Variants in RNF130 observed in about 807,000 individuals in gnomAD.
RNF130 encodes E3 ubiquitin-protein ligase RNF130.
A neutral mutation model predicts 44.6 loss-of-function variants in RNF130; 21 were observed. The ratio of observed to expected loss-of-function variants is 0.47; its 90% confidence interval spans 0.33 to 0.68. The LOEUF is 0.68. Among genes scored for constraint, RNF130 ranks in the 30% least tolerant of loss-of-function variants. The probability of loss-of-function intolerance (pLI) is 0.02; values close to 1 mark genes in which losing one functional copy is unlikely to be tolerated. For missense variants in RNF130, 479 were observed against 560.6 expected, an observed-to-expected ratio of 0.85 and a Z score of 1.47; for synonymous variants, 214 against 210.4, an observed-to-expected ratio of 1.02 and a Z score of -0.15.
chr5:179,980,989 G>A (rs1561679315), intron 3 of RNF130, among the ~76,000 whole-genome samples: 1 of 152,158 alleles, frequency 6.6e-6, no homozygotes, highest in Non-Finnish European at 1.5e-5. Context: ...GAGGCGACTA[G>A]GAGGGGTGGG....
chr5:179,972,824 T>C (rs988942934), intron 5 of RNF130, among the ~76,000 whole-genome samples: 19 of 152,210 alleles, frequency 1.2e-4, no homozygotes, highest in Non-Finnish European at 1.5e-5. Context: ...TCTCTGCCTG[T>C]TTCTTTAACC....
intron 3 of RNF130, among the ~76,000 whole-genome samples, chr5:179,986,616 TATTAC>T (rs759121328): frequency 1.7e-4 from 26 of 152,350 alleles, no homozygotes; most frequent in Non-Finnish European, 3.1e-4. Context: ...GCTATGAAAT[TATTAC>T]ATTAATACAG....
chr5:180,023,533 C>T (rs1404392623), intron 2 of RNF130, among the ~76,000 whole-genome samples: 1 of 152,124 alleles, frequency 6.6e-6, no homozygotes, highest in Admixed American at 6.5e-5. Flanking sequence ...AAAAACTAAA[C>T]TAAACCAAAA....
Position 179,977,265 on chromosome 5 carries a change from A to G in RNF130, c.848+938T>C, listed in dbSNP as rs1300672958. On this transcript the variant is annotated intron_variant, in intron 5 of 8. Coordinates refer to ENST00000521389, the MANE Select transcript of RNF130 (RefSeq NM_018434.6). The surrounding 1 kb of genome is among the most constrained non-coding windows in gnomAD (Gnocchi z 4.1). ...CCACAGCAGGCACAAAGCAGGTATC[A>G]GTTCTTTCCATTTTGCATAATCCAG... 1 of 152,304 alleles carries G rather than the reference A, an allele frequency of 6.6e-6. No homozygotes were observed. The highest frequency in any genetic ancestry group is 2.4e-5 in the African/African-American group (1 of 41,464). 9.4% of individuals were successfully genotyped at this position (152,304 alleles called of 1,614,324 possible).
downstream of RNF130, among the ~76,000 whole-genome samples, chr5:179,953,050 A>G (rs996550328): frequency 2.6e-5 from 4 of 152,242 alleles, no homozygotes; most frequent in African/African-American, 9.6e-5. Context: ...AGGAAGAAGA[A>G]AAATGATCTC....
intron 1 of RNF130, among the ~76,000 whole-genome samples, chr5:180,068,142 C>T (rs1455693334): frequency 6.6e-6 from 1 of 152,214 alleles, no homozygotes; most frequent in East Asian, 1.9e-4. Context: ...ATAATCACAT[C>T]ATCAACACAG....
chr5:179,985,961 T>A (rs540520937), intron 3 of RNF130, among the ~76,000 whole-genome samples: 3 of 152,252 alleles, frequency 2.0e-5, no homozygotes, highest in Non-Finnish European at 2.9e-5. Flanking sequence ...CAAAAGCTAC[T>A]TCTCCTGTTA....
At chr5:180,065,753 C>CT (rs1765090944) in intron 1 of RNF130, among the ~76,000 whole-genome samples, 1 of 145,552 alleles carries the variant, frequency 6.9e-6, no homozygotes, top group African/African-American at 2.5e-5. Context: ...GAGTGAGACT[C>CT]TGTCTCAAAA....
At chr5:179,953,869 G>A (rs1762163125), downstream of RNF130, among the ~76,000 whole-genome samples, 2 of 152,116 alleles carry the variant, frequency 1.3e-5, no homozygotes, top group Admixed American at 6.5e-5. Flanking sequence ...ATCTGATAAA[G>A]GCCTAGTATC....
chr5:179,981,028 G>T (rs981011097), intron 3 of RNF130, among the ~76,000 whole-genome samples: 6 of 152,142 alleles, frequency 3.9e-5, no homozygotes, highest in Non-Finnish European at 7.4e-5. Context: ...GTCAGGGAAG[G>T]TCTTGAGGAG....
At chr5:179,991,960 C>T (rs957066136) in intron 3 of RNF130, among the ~76,000 whole-genome samples, 11 of 152,010 alleles carry the variant, frequency 7.2e-5, no homozygotes, top group Admixed American at 1.3e-4. Flanking sequence ...CTTCACACTC[C>T]TATGAGAACC....
intron 3 of RNF130, among the ~76,000 whole-genome samples, chr5:179,998,859 T>TATATATATATATAGA: frequency 1.1e-5 from 1 of 88,732 alleles, no homozygotes; most frequent in East Asian, 3.2e-4. Context: ...CTAGTATTTT[T>TATATATATATATAGA]TATATATATA....
At chr5:180,039,515 TA>T (rs1002610060) in intron 2 of RNF130, among the ~76,000 whole-genome samples, 7 of 152,138 alleles carry the variant, frequency 4.6e-5, no homozygotes, top group Admixed American at 4.6e-4. Flanking sequence ...ATCTTACTTC[TA>T]AAAGGCTTAG....
intron 3 of RNF130, among the ~76,000 whole-genome samples, chr5:180,004,278 T>C (rs1162293016): frequency 6.6e-6 from 1 of 152,212 alleles, no homozygotes; most frequent in African/African-American, 2.4e-5. Flanking sequence ...CACTCACTGA[T>C]ATTCTCCGTA....
At chr5:179,946,646 C>T (rs891759804) in intron 7 of RNF130, among the ~76,000 whole-genome samples, 49 of 151,868 alleles carry the variant, frequency 3.2e-4, no homozygotes, top group African/African-American at 1.1e-3. Flanking sequence ...CTCCGCCTCC[C>T]GGGTTCACGC....
intron 2 of RNF130, among the ~76,000 whole-genome samples, chr5:180,036,154 T>C (rs1359874804): frequency 6.6e-6 from 1 of 152,198 alleles, no homozygotes; most frequent in Admixed American, 6.5e-5. Context: ...TTCTGATATT[T>C]TCCCCCTTAA....
At chr5:179,990,314 GGAGA>G (rs1013808696) in intron 3 of RNF130, among the ~76,000 whole-genome samples, 1 of 152,154 alleles carries the variant, frequency 6.6e-6, no homozygotes, top group East Asian at 1.9e-4. Flanking sequence ...TAGCCGAGGC[GGAGA>G]GAGAGAGGAC....
intron 8 of RNF130, among the ~76,000 whole-genome samples, chr5:179,957,834 C>G (rs867529655): frequency 2.0e-5 from 3 of 152,258 alleles, no homozygotes; most frequent in Middle Eastern, 6.8e-3. Flanking sequence ...ACAAGACGGG[C>G]TGTGTGAGCA....
intron 2 of RNF130, among the ~76,000 whole-genome samples, chr5:180,022,468 T>C (rs986267508): frequency 6.6e-6 from 1 of 152,224 alleles, no homozygotes; most frequent in Non-Finnish European, 1.5e-5. Context: ...AGTTTTCCAG[T>C]GTCTTCACTT....
Sources: gnomAD v4.1 joint callset for allele counts (sites outside exome capture counted in the v4.1 genomes callset) on GRCh38, gnomAD v4.1.1 for gene constraint, Gnocchi (gnomAD v3.1) non-coding constraint, MANE v1.5 for transcripts, NCBI Gene and HGNC (gene_info 2026-07-23, HGNC 2026-07-21) for gene names.